DIAPH3: variants seen among roughly 807,000 people sequenced by gnomAD.
The protein encoded by DIAPH3 is protein diaphanous homolog 3.
A neutral mutation model predicts 144.3 loss-of-function variants in DIAPH3; 117 were observed. The observed-to-expected ratio is 0.81, with a 90% CI of 0.70 to 0.95. The LOEUF (loss-of-function observed/expected upper bound fraction) is 0.95, where lower values mean the gene tolerates loss of function less well. DIAPH3 is among the 40% of genes least tolerant of loss of function. DIAPH3 has a pLI of 0.00. For missense variants in DIAPH3, 1,421 were observed against 1,412.7 expected (o/e 1.01, Z -0.09); for synonymous variants, 519 against 488.9 (o/e 1.06, Z -0.81).
chr13:59,670,442 C>A (rs1053219946), intron 27 of DIAPH3, among the ~76,000 whole-genome samples: 1 of 152,138 alleles, frequency 6.6e-6, no homozygotes. Flanking sequence ...TGTCTCCAGA[C>A]ATGGGAGACC....
chr13:59,767,318 T>C (rs2037907354), intron 27 of DIAPH3, among the ~76,000 whole-genome samples: 1 of 152,182 alleles, frequency 6.6e-6, no homozygotes, highest in Admixed American at 6.5e-5. Flanking sequence ...ATTAATATCA[T>C]AGAAATGGCT....
chr13:59,930,472 G>A (rs549922875), intron 17 of DIAPH3, among the ~76,000 whole-genome samples: 1 of 152,142 alleles, frequency 6.6e-6, no homozygotes. Context: ...GAGTCAGCCA[G>A]GTAAGAAGGT....
chr13:60,089,764 C>A (rs1258584166), intron 4 of DIAPH3, among the ~76,000 whole-genome samples: 1 of 152,192 alleles, frequency 6.6e-6, no homozygotes. Flanking sequence ...ATAGAATGGG[C>A]ACAGCGCCTT....
At chr13:60,077,013 T>C (rs2057402668) in intron 4 of DIAPH3, among the ~76,000 whole-genome samples, 2 of 152,120 alleles carry the variant, frequency 1.3e-5, no homozygotes, top group Non-Finnish European at 2.9e-5. Context: ...TAACAAATTA[T>C]TTCACACTAA....
chr13:60,048,896 C>T (rs1206083286), intron 4 of DIAPH3, among the ~76,000 whole-genome samples: 2 of 150,248 alleles, frequency 1.3e-5, no homozygotes, highest in Non-Finnish European at 3.0e-5. Context: ...ATGTTTGTTT[C>T]TTTTAAGTTA....
chr13:59,802,667 ATTT>A (rs71089516), intron 25 of DIAPH3, among the ~76,000 whole-genome samples: 3 of 23,762 alleles, frequency 1.3e-4, no homozygotes, highest in Admixed American at 2.0e-3. Flanking sequence ...TATTATTATT[ATTT>A]TTTTTTTTTT....
At chr13:59,941,275 G>A (rs986802148) in intron 17 of DIAPH3, among the ~76,000 whole-genome samples, 14 of 152,258 alleles carry the variant, frequency 9.2e-5, no homozygotes, top group African/African-American at 3.1e-4. Context: ...CAGCACATGA[G>A]AAAAGGACAG....
At chr13:60,072,921 T>C (rs968601040) in intron 4 of DIAPH3, among the ~76,000 whole-genome samples, 10 of 152,174 alleles carry the variant, frequency 6.6e-5, no homozygotes, top group African/African-American at 2.4e-4. Flanking sequence ...ATATTAACAA[T>C]AGTTACCTCT....
At chr13:59,695,203 C>T (rs2033733677) in intron 27 of DIAPH3, 1 of 152,150 alleles carries the variant, frequency 6.6e-6, no homozygotes, top group Non-Finnish European at 1.5e-5. Context: ...GCCCACTTTA[C>T]AGGGAAAAGG....
chr13:59,900,703 C>T (rs1460752187), intron 20 of DIAPH3, among the ~76,000 whole-genome samples: 1 of 152,172 alleles, frequency 6.6e-6, no homozygotes, highest in Non-Finnish European at 1.5e-5. Flanking sequence ...TTCATCCACT[C>T]CTATAGCTTT....
Position 59,700,823 on chromosome 13 carries a change from C to G in DIAPH3, c.3320-33977G>C, listed in dbSNP as rs185792485. On this transcript the variant is annotated intron_variant, in intron 27 of 27. Transcript: ENST00000400324. ...GATTGCTTGGTTATCCTTGTTAAATCAACCATAAATGTTAAAGAGTAGATT... is the reference window on the plus strand; with the variant it reads ...GATTGCTTGGTTATCCTTGTTAAATGAACCATAAATGTTAAAGAGTAGATT... Among the ~76,000 whole-genome samples the G allele has an allele frequency of 1.8e-4, 28 of 152,260 alleles. No individual in the cohort carries two copies. The East Asian group carries it at 4.8e-3, about 26-fold the overall frequency.
chr13:60,046,435 G>A (rs144159725), intron 4 of DIAPH3, among the ~76,000 whole-genome samples: 17 of 152,220 alleles, frequency 1.1e-4, no homozygotes, highest in South Asian at 2.1e-4. Flanking sequence ...ACCATCTCAC[G>A]CCAGTTACAA....
chr13:59,914,818 G>A (rs543812606), intron 19 of DIAPH3, among the ~76,000 whole-genome samples: 1 of 152,290 alleles, frequency 6.6e-6, no homozygotes, highest in South Asian at 2.1e-4. Context: ...ATACTTTGAT[G>A]TTAGCATAGT....
chr13:59,910,829 T>G (rs1404361863), intron 20 of DIAPH3, among the ~76,000 whole-genome samples: 2 of 151,138 alleles, frequency 1.3e-5, no homozygotes, highest in Non-Finnish European at 2.9e-5. Context: ...ATTTGGAGTT[T>G]TTTTTTTTTT....
rs546233143 is a variant in DIAPH3 at position 60,051,770 on chromosome 13, T to C, written c.496-8950A>G. Among the ~76,000 whole-genome samples the C allele has an allele frequency of 2.6e-5, 4 of 152,248 alleles. No individual in the cohort carries two copies. In the South Asian group the frequency reaches 8.3e-4, roughly 32 times the overall value. ...TTTAAGGGAACAGATTCTGGTACCT[T>C]GTCAGATCTGATGATTAGAAAGTGA... is the stretch of plus-strand genomic sequence containing the variant. On this transcript the variant is annotated intron_variant, in intron 4 of 27. Transcript: ENST00000400324.
At chr13:59,863,556 CTTA>C (rs1235814426) in intron 21 of DIAPH3, among the ~76,000 whole-genome samples, 1 of 152,122 alleles carries the variant, frequency 6.6e-6, no homozygotes, top group Non-Finnish European at 1.5e-5. Flanking sequence ...ATACTGACTA[CTTA>C]TTGATTCAAA....
chr13:60,062,375 G>C (rs2056807491), intron 4 of DIAPH3, among the ~76,000 whole-genome samples: 1 of 152,122 alleles, frequency 6.6e-6, no homozygotes, highest in Non-Finnish European at 1.5e-5. Context: ...CAAAATTCCT[G>C]TTGAGCTCTG....
chr13:59,992,118 T>G lies in DIAPH3; in HGVS notation c.1194A>C (p.Glu398Asp). Reference protein sequence around the residue: ...QLKVFDEHKEEDLFELSHRLE... With the variant: ...QLKVFDEHKEDDLFELSHRLE... ...GGCGATGGGATAACTCAAACAAATCTTCTTCTTTATGCTCATCAAAGACTT... is the reference window on the plus strand; with the variant it reads ...GGCGATGGGATAACTCAAACAAATCGTCTTCTTTATGCTCATCAAAGACTT... The change falls in exon 11 of 28, where the codon GAA (glutamate) becomes GAC (aspartate). Residue 398 changes from glutamate to aspartate, a missense_variant. Glu to Asp is a conservative substitution (Grantham distance 45, BLOSUM62 2). Coordinates refer to ENST00000400324, the MANE Select transcript of DIAPH3 (RefSeq NM_001042517.2). The G allele has an allele frequency of 6.2e-7, 1 of 1,612,064 alleles. No individual in the cohort carries two copies. The highest frequency in any genetic ancestry group is 1.3e-5 in the African/African-American group (1 of 74,936).
intron 24 of DIAPH3, among the ~76,000 whole-genome samples, chr13:59,817,413 C>T (rs562522309): frequency 4.3e-4 from 66 of 151,834 alleles, no homozygotes; most frequent in African/African-American, 1.4e-3. Context: ...GTATCTTTCA[C>T]GTGAATTAAG....
Sources: gnomAD v4.1 joint callset for allele counts (sites outside exome capture counted in the v4.1 genomes callset) on GRCh38, gnomAD v4.1.1 for gene constraint, MANE v1.5 for transcripts, NCBI Gene and HGNC (gene_info 2026-07-23, HGNC 2026-07-21) for gene names.